ELP4: variants seen among roughly 807,000 people sequenced by gnomAD.
ELP4 encodes the protein elongator acetyltransferase complex subunit 4, also known as elongator complex protein 4.
ELP4 carries 51 observed loss-of-function variants against 48.9 expected under a neutral mutation model. The observed-to-expected ratio is 1.04, with a 90% CI of 0.83 to 1.32. The LOEUF is 1.32. Ranked by LOEUF, ELP4 falls within the 40% of genes most tolerant of loss-of-function variation. The probability of loss-of-function intolerance (pLI) is 0.00; values close to 1 mark genes in which losing one functional copy is unlikely to be tolerated. For synonymous variants in ELP4, 210 were observed against 189.2 expected, an observed-to-expected ratio of 1.11 and a Z score of -0.90; for missense variants, 519 against 514.6, an observed-to-expected ratio of 1.01 and a Z score of -0.08.
At chr11:31,719,741 T>C in intron 9 of ELP4, 1 of 326,098 alleles carries the variant, frequency 3.1e-6, no homozygotes, top group Non-Finnish European at 5.5e-6. Context: ...TTTTCGCTAA[T>C]GATATGCATG....
At chr11:31,545,379 T>A (rs1956682464) in intron 3 of ELP4, among the ~76,000 whole-genome samples, 1 of 152,016 alleles carries the variant, frequency 6.6e-6, no homozygotes, top group Non-Finnish European at 1.5e-5. Context: ...GAAGAAAGGG[T>A]ATCAGCGATG....
chr11:31,693,275 A>G (rs1246637516), intron 9 of ELP4, among the ~76,000 whole-genome samples: 3 of 152,104 alleles, frequency 2.0e-5, no homozygotes, highest in Non-Finnish European at 4.4e-5. Flanking sequence ...CGTCATTTAC[A>G]TTAGGTATAT....
intron 2 of ELP4, among the ~76,000 whole-genome samples, chr11:31,534,719 A>G (rs1373250324): frequency 6.6e-6 from 1 of 152,222 alleles, no homozygotes; most frequent in African/African-American, 2.4e-5. Flanking sequence ...TAAATTTTCC[A>G]TTTTGTAAAA....
chr11:31,627,323 A>G, intron 6 of ELP4, 129 bp downstream of exon 6: 1 of 587,552 alleles, frequency 1.7e-6, no homozygotes, highest in Admixed American at 2.9e-5. Context: ...CAAGCACAGA[A>G]CATGTACATA....
chr11:31,553,353 G>GGT (rs1956880928), intron 3 of ELP4, among the ~76,000 whole-genome samples: 1 of 152,150 alleles, frequency 6.6e-6, no homozygotes, highest in African/African-American at 2.4e-5. Flanking sequence ...TTGGTAGACT[G>GGT]AGTAAAGTAG....
intron 9 of ELP4, among the ~76,000 whole-genome samples, chr11:31,700,295 A>G (rs958449769): frequency 2.0e-5 from 3 of 152,010 alleles, no homozygotes; most frequent in Non-Finnish European, 2.9e-5. Context: ...GGATATGGGA[A>G]TTCTTTGTTT....
At chr11:31,623,526 A>G (rs1279019209) in intron 5 of ELP4, among the ~76,000 whole-genome samples, 2 of 149,860 alleles carry the variant, frequency 1.3e-5, no homozygotes, top group Non-Finnish European at 3.0e-5. Context: ...ACAATTGATA[A>G]TACCTAAATG....
chr11:31,703,277 G>C (rs1257851080), intron 9 of ELP4, among the ~76,000 whole-genome samples: 1 of 152,102 alleles, frequency 6.6e-6, no homozygotes, highest in Non-Finnish European at 1.5e-5. Context: ...CAGCATGCCA[G>C]TGTTTCTGTG....
intron 3 of ELP4, among the ~76,000 whole-genome samples, chr11:31,555,812 A>G (rs556261825): frequency 1.2e-3 from 187 of 152,106 alleles, no homozygotes; most frequent in Non-Finnish European, 1.1e-3. Context: ...GGATTTCAGT[A>G]TGCAGACCTC....
chr11:31,752,849 A>AGG (rs1565141193), intron 9 of ELP4, among the ~76,000 whole-genome samples: 1 of 149,470 alleles, frequency 6.7e-6, no homozygotes, highest in African/African-American at 2.5e-5. Context: ...AAAAAAAAAA[A>AGG]AAAGAACTGG....
chr11:31,707,057 T>A, intron 9 of ELP4: 1 of 398,364 alleles, frequency 2.5e-6, no homozygotes, highest in Non-Finnish European at 4.4e-6. Context: ...TCCGGATGTC[T>A]CTTTAATGTA....
At chr11:31,751,641 C>T (rs575999311) in intron 9 of ELP4, among the ~76,000 whole-genome samples, 2 of 152,288 alleles carry the variant, frequency 1.3e-5, no homozygotes, top group East Asian at 3.9e-4. Flanking sequence ...ACCTGAGGCT[C>T]TATCTCAAGC....
chr11:31,756,282 C>G (rs1481898690), intron 9 of ELP4, among the ~76,000 whole-genome samples: 1 of 152,196 alleles, frequency 6.6e-6, no homozygotes, highest in African/African-American at 2.4e-5. Flanking sequence ...CTTTCCATGA[C>G]TAAAAGCCTT....
chr11:31,589,103 A>G (rs1159028887), intron 3 of ELP4, among the ~76,000 whole-genome samples: 2 of 152,204 alleles, frequency 1.3e-5, no homozygotes, highest in Non-Finnish European at 2.9e-5. Flanking sequence ...CATGAAACAT[A>G]AGGAGCCCAA....
chr11:31,576,833 AAAG>A (rs1162460253), intron 3 of ELP4, among the ~76,000 whole-genome samples: 23 of 152,214 alleles, frequency 1.5e-4, no homozygotes, highest in African/African-American at 5.3e-4. Context: ...CCCAAAAGAG[AAAG>A]AAGGAAAGAC....
In ELP4 at chr11:31,509,888, G is replaced by A; in HGVS notation, c.104G>A (p.Arg35Lys). 1 of 1,614,162 alleles carries A rather than the reference G, an allele frequency of 6.2e-7. No individual in the cohort carries two copies. Residue 35 changes from arginine (R) to lysine (K), a missense_variant, in exon 1 of 10, where the codon AGA becomes AAA. By Grantham distance (26) the Arg-to-Lys change is conservative (BLOSUM62 2). Transcript: ENST00000640961. ...ACCAGTTTCCAGAGGAGGGGTCCTA[G>A]AGCCAGCGTGACCAACGACAGCGGC... ...NVTSFQRRGP[R>K]ASVTNDSGPR...
intron 1 of ELP4, chr11:31,510,974 T>G (rs1412535408): frequency 1.3e-5 from 2 of 152,246 alleles, no homozygotes; most frequent in Non-Finnish European, 2.9e-5. Context: ...AAAATATAAC[T>G]CATTGCTTGT....
At chr11:31,758,189 C>G (rs1227366761) in intron 9 of ELP4, among the ~76,000 whole-genome samples, 1 of 152,198 alleles carries the variant, frequency 6.6e-6, no homozygotes, top group African/African-American at 2.4e-5. Context: ...CTTAAAGTTA[C>G]TGAATTCAGT....
intron 5 of ELP4, among the ~76,000 whole-genome samples, chr11:31,623,882 A>T (rs56216968): frequency 0.02 from 3,010 of 151,752 alleles, 94 homozygotes; most frequent in African/African-American, 0.068. Context: ...CAAATAACTC[A>T]ATTAAAAAAT....
Sources: allele counts gnomAD v4.1 joint callset (sites outside exome capture counted in the v4.1 genomes callset), GRCh38; gene constraint gnomAD v4.1.1; transcripts MANE v1.5; gene names NCBI Gene and HGNC (gene_info 2026-07-23, HGNC 2026-07-21).